Variants in DSG2 observed in about 807,000 individuals in gnomAD.
DSG2 encodes desmoglein-2.
Under a neutral mutation model 75.6 loss-of-function variants are expected in DSG2, and 45 were observed. The observed-to-expected ratio is 0.60, with a 90% confidence interval of 0.47 to 0.76. The LOEUF (loss-of-function observed/expected upper bound fraction) is 0.76, where lower values mean the gene tolerates loss of function less well. Ranked by LOEUF, DSG2 falls within the 30% of genes least tolerant of loss-of-function variation. DSG2 has a pLI of 0.00. For missense variants in DSG2, 1,267 were observed against 1,357.4 expected, an observed-to-expected ratio of 0.93 and a Z score of 1.05; for synonymous variants, 429 against 483.9, an observed-to-expected ratio of 0.89 and a Z score of 1.49.
chr18:31,527,887 G>T (rs74603547), intron 8 of DSG2, among the ~76,000 whole-genome samples: 3 of 152,156 alleles, frequency 2.0e-5, no homozygotes, highest in Admixed American at 2.0e-4. Context: ...CCTTCTTGTT[G>T]TATCATCACA....
chr18:31,513,358 T>C (rs2144303576), intron 1 of DSG2, among the ~76,000 whole-genome samples: 2 of 152,218 alleles, frequency 1.3e-5, no homozygotes, highest in East Asian at 3.9e-4. Context: ...AATAGGAAGG[T>C]TATGCATGTG....
chr18:31,513,822 G>A (rs2073079486), intron 1 of DSG2, among the ~76,000 whole-genome samples: 1 of 152,220 alleles, frequency 6.6e-6, no homozygotes, highest in African/African-American at 2.4e-5. Context: ...GTGTCATGTG[G>A]CTATTGCACA....
At chr18:31,541,388 A>T (rs774935880) in intron 13 of DSG2, 74 bp downstream of exon 13, 24 of 1,575,776 alleles carry the variant, frequency 1.5e-5, no homozygotes, top group Non-Finnish European at 1.8e-5. Context: ...TGTTTCTTAC[A>T]TGTTTGGTTG....
intron 10 of DSG2, among the ~76,000 whole-genome samples, 165 bp downstream of exon 10, chr18:31,535,577 C>T (rs541607808): frequency 7.9e-5 from 12 of 152,120 alleles, no homozygotes; most frequent in Non-Finnish European, 1.8e-4. Flanking sequence ...AGGTGGATCA[C>T]GAGGTCAAGA....
chr18:31,546,255 C>G lies in DSG2; in HGVS notation c.2869C>G (p.Gln957Glu), dbSNP rs774371908. 3 of 1,605,978 alleles carry G rather than the reference C, an allele frequency of 1.9e-6. No homozygotes were observed. Among genetic ancestry groups the G allele is most frequent in the Non-Finnish European group, 2.6e-6 (3 of 1,175,666 alleles). Residue 957 changes from glutamine (Q) to glutamate (E), a missense_variant, in exon 15 of 15, where the codon CAG becomes GAG. Gln to Glu is a conservative substitution (Grantham distance 29). Coordinates refer to ENST00000261590, the MANE Select transcript of DSG2 (RefSeq NM_001943.5). The stretch of plus-strand genomic sequence containing the variant: ...AACCACTGTGATCCTGGGTCCTAGC[C>G]AGCCACAGAGCCTTATTGTGACAGA... ...PPTTVILGPS[Q>E]PQSLIVTERV...
chr18:31,532,477 T>C lies in DSG2; in HGVS notation c.1280+1225T>C, dbSNP rs569988638. 8.5e-5 allele frequency among the ~76,000 whole-genome samples: 13 copies of C among 152,370 alleles called. No homozygotes were observed. In the South Asian group the frequency reaches 1.0e-3, roughly 12 times the overall value. ...GCAGTCCCTGTGTACCAGTGCTTCC[T>C]AAAACATTGTATTTAAGTGCATCGC... On this transcript the variant is annotated intron_variant, in intron 9 of 14. Transcript: ENST00000261590.
intron 11 of DSG2, 51 bp downstream of exon 11, chr18:31,536,480 C>T (rs1472849391): frequency 4.0e-6 from 6 of 1,500,648 alleles, no homozygotes; most frequent in Middle Eastern, 1.7e-4. Context: ...AGCATGATAT[C>T]TAAAATATTT....
In DSG2 at chr18:31,545,713, C is replaced by G. The variant is rs561964101; in HGVS notation, c.2335-8C>G. ...TTTTGTGTTTGTTTTGTTTTGTTTT[C>G]ATTTTAGAAAGCGGCCTCTTACACT... On this transcript the variant is annotated splice_polypyrimidine_tract_variant and splice_region_variant and intron_variant, in intron 14 of 14. Coordinates refer to ENST00000261590, the MANE Select transcript of DSG2 (RefSeq NM_001943.5). The G allele has an allele frequency of 3.2e-5, 51 of 1,612,718 alleles. 1 individual carries two copies. In the South Asian group the frequency reaches 5.1e-4, roughly 16 times the overall value.
chr18:31,500,410 A>G (rs980292563), intron 1 of DSG2, among the ~76,000 whole-genome samples: 1 of 152,150 alleles, frequency 6.6e-6, no homozygotes, highest in African/African-American at 2.4e-5. Flanking sequence ...CTGCAGACCC[A>G]TGCATGCCAC....
In DSG2 at chr18:31,521,114, T is replaced by C; in HGVS notation, c.394T>C (p.Leu132=). ...ATGATTTCAGCTAACAGGTTACGCT[T>C]TGGATGCAAGAGGAAACAATGTAGA... The part of the protein sequence containing the change: ...TPFFLLTGYA[L]DARGNNVEKP... Residue 132 remains leucine, a synonymous_variant, in exon 5 of 15, where the codon TTG becomes CTG. Transcript: ENST00000261590. The C allele has an allele frequency of 1.2e-6, 2 of 1,614,066 alleles. No homozygotes were observed. The highest frequency in any genetic ancestry group is 1.7e-6 in the Non-Finnish European group (2 of 1,179,968).
rs534378933 is a variant in DSG2 at position 31,501,864 on chromosome 18, A to G, written c.45+3568A>G. On this transcript the variant is annotated intron_variant, in intron 1 of 14. Coordinates refer to ENST00000261590, the MANE Select transcript of DSG2 (RefSeq NM_001943.5). ...TCTTTTAGGGGTCATAATTTGATCC[A>G]TAACAAGTGGATTCAAGTATCTATA... Among the ~76,000 whole-genome samples the G allele has an allele frequency of 5.3e-5, 8 of 152,322 alleles. No homozygotes were observed. In the East Asian group the frequency reaches 1.5e-3, roughly 29 times the overall value.
intron 12 of DSG2, among the ~76,000 whole-genome samples, chr18:31,540,932 C>T (rs570330935): frequency 2.0e-4 from 30 of 152,102 alleles, no homozygotes; most frequent in Admixed American, 1.2e-3. Flanking sequence ...CTTGGTATTC[C>T]ACTCAGCAGC....
chr18:31,498,324 C>A (rs2072995006), intron 1 of DSG2, 28 bp downstream of exon 1: 2 of 1,255,530 alleles, frequency 1.6e-6, no homozygotes. Context: ...GACAGGGGAG[C>A]CACCGCCGGG....
chr18:31,504,863 C>T (rs1298782423), intron 1 of DSG2, among the ~76,000 whole-genome samples: 1 of 152,208 alleles, frequency 6.6e-6, no homozygotes, highest in African/African-American at 2.4e-5. Context: ...CACCCTCTGA[C>T]TCCTTCCCTA....
In DSG2 at chr18:31,543,864, TA is replaced by T. The variant is rs576034927; in HGVS notation, c.2334+1032del. The stretch of plus-strand genomic sequence containing the variant: ...CTGGGCAACAGAGTGAAACTCTGTC[TA>T]AAAAAAAAAAAAAAAAAAAGTATAA... On this transcript the variant is annotated intron_variant, in intron 14 of 14. Coordinates refer to ENST00000261590, the MANE Select transcript of DSG2 (RefSeq NM_001943.5). 5.1e-3 allele frequency among the ~76,000 whole-genome samples: 484 copies of T among 94,818 alleles called. 2 individuals carry two copies. Among genetic ancestry groups the T allele is most frequent in the African/African-American group, 0.014 (335 of 24,226 alleles). 62.2% of individuals were successfully genotyped at this position (94,818 alleles called of 152,430 possible). A position where few individuals can be genotyped will look rare whatever the true frequency, so the allele number is the denominator to read the frequency against.
chr18:31,539,038 G>A (rs2073250173), intron 12 of DSG2, 60 bp downstream of exon 12: 5 of 1,463,026 alleles, frequency 3.4e-6, no homozygotes, highest in Non-Finnish European at 4.8e-6. Context: ...TCCTGGAGAT[G>A]TGTTACTATG....
chr18:31,514,276 G>A (rs996511114), intron 1 of DSG2, among the ~76,000 whole-genome samples: 2 of 152,174 alleles, frequency 1.3e-5, no homozygotes, highest in African/African-American at 4.8e-5. Context: ...CAACATTTCT[G>A]TAAATCTAAA....
Position 31,545,895 on chromosome 18 carries a change from G to T in DSG2, c.2509G>T (p.Ala837Ser). 6.2e-7 allele frequency: 1 copy of T among 1,614,134 alleles called. No individual in the cohort carries two copies. Residue 837 changes from alanine to serine, a missense_variant, in exon 15 of 15, where the codon GCT (alanine) becomes TCT (serine). By Grantham distance (99) the Ala-to-Ser change is moderately conservative (BLOSUM62 1). Transcript: ENST00000261590. ...TTTGGGACTTAAATTCAAGACACTA[G>T]CTGAAGTTTGCCTGGGTCAAAAAAT... ...DDLGLKFKTL[A>S]EVCLGQKIDI...
rs1821520298 is a variant in DSG2 at position 31,548,861 on chromosome 18, C to T, written c.*2118C>T. The T allele has an allele frequency of 6.6e-6, 1 of 152,036 alleles. No homozygotes were observed. The highest frequency in any genetic ancestry group is 2.4e-5 in the African/African-American group (1 of 41,384). The allele number at this position is 152,036 out of a possible 1,614,324, so 9.4% of individuals were successfully genotyped here. ...AGTATCTTTAGAGTGACCCTTTCCC[C>T]ATAGATTTTTATTTCTCTATTATAT... On this transcript the variant is annotated 3_prime_UTR_variant, in exon 15 of 15. Coordinates refer to ENST00000261590, the MANE Select transcript of DSG2 (RefSeq NM_001943.5).
Sources: allele counts gnomAD v4.1 joint callset (sites outside exome capture counted in the v4.1 genomes callset), GRCh38; gene constraint gnomAD v4.1.1; transcripts MANE v1.5; gene names NCBI Gene and HGNC (gene_info 2026-07-23, HGNC 2026-07-21).